The following C8orf34 variants were observed in gnomAD, a reference collection of about 807,000 sequenced individuals.
C8orf34 encodes the protein chromosome 8 open reading frame 34.
A neutral mutation model predicts 68.3 loss-of-function variants in C8orf34; 65 were observed. The observed-to-expected ratio is 0.95, with a 90% CI of 0.78 to 1.17. The LOEUF (loss-of-function observed/expected upper bound fraction) is 1.17, where lower values mean the gene tolerates loss of function less well. Among genes scored for constraint, C8orf34 ranks in the 50% most tolerant of loss-of-function variants. The pLI is 0.00. For synonymous variants in C8orf34, 244 were observed against 241.2 expected, an observed-to-expected ratio of 1.01 and a Z score of -0.11; for missense variants, 664 against 655.4, an observed-to-expected ratio of 1.01 and a Z score of -0.14.
rs191556288 is a variant in C8orf34, at chr8:68,446,778, T to C, written c.607+318T>C. On this transcript the variant is annotated intron_variant, in intron 3 of 13. Coordinates refer to ENST00000518698, the MANE Select transcript of C8orf34 (RefSeq NM_052958.4). Reference sequence around the variant, plus strand: ...ATTACATCATATTGAAAGCAGTAGCTACCTATATTTAATGAAGTATGTAAA... The same window carrying C: ...ATTACATCATATTGAAAGCAGTAGCCACCTATATTTAATGAAGTATGTAAA... The C allele has an allele frequency of 5.8e-4, 194 of 334,824 alleles. 1 individual carries two copies. The East Asian group carries it at 8.9e-3, about 15-fold the overall frequency. 20.7% of individuals were successfully genotyped at this position (334,824 alleles called of 1,614,324 possible). A position where few individuals can be genotyped will look rare whatever the true frequency, so the allele number is the denominator to read the frequency against.
At chr8:68,746,771 C>A (rs1822511670) in intron 10 of C8orf34, among the ~76,000 whole-genome samples, 1 of 148,476 alleles carries the variant, frequency 6.7e-6, no homozygotes, top group Non-Finnish European at 1.5e-5. Context: ...GAGTCCAGGA[C>A]CAGATGGATT....
intron 6 of C8orf34, among the ~76,000 whole-genome samples, chr8:68,531,206 C>A (rs1815230668): frequency 6.6e-6 from 1 of 152,092 alleles, no homozygotes; most frequent in Non-Finnish European, 1.5e-5. Context: ...CCAATCCCAC[C>A]ATAAAGTTAT....
At chr8:68,479,242 T>TGAGGAGTAGAGAAAG (rs1396233318) in intron 4 of C8orf34, among the ~76,000 whole-genome samples, 1 of 151,830 alleles carries the variant, frequency 6.6e-6, no homozygotes, top group Non-Finnish European at 1.5e-5. Flanking sequence ...TGAAGAGAGA[T>TGAGGAGTAGAGAAAG]GAGGAGTAGA....
intron 7 of C8orf34, among the ~76,000 whole-genome samples, chr8:68,542,512 T>A (rs920387638): frequency 2.0e-5 from 3 of 152,212 alleles, no homozygotes; most frequent in African/African-American, 7.2e-5. Context: ...ATCTGAGTTC[T>A]ACATCTTGGT....
At chr8:68,507,836 T>A (rs1216223080) in intron 5 of C8orf34, among the ~76,000 whole-genome samples, 1 of 152,190 alleles carries the variant, frequency 6.6e-6, no homozygotes, top group Non-Finnish European at 1.5e-5. Context: ...CCTCTCTTCT[T>A]CTTATGTGAA....
intron 1 of C8orf34, among the ~76,000 whole-genome samples, chr8:68,414,878 C>T (rs567646589): frequency 3.3e-5 from 5 of 152,272 alleles, no homozygotes; most frequent in African/African-American, 1.2e-4. Flanking sequence ...AATAAACTGC[C>T]AATTCCAACA....
intron 1 of C8orf34, among the ~76,000 whole-genome samples, chr8:68,393,731 A>G (rs1228027203): frequency 6.6e-6 from 1 of 152,150 alleles, no homozygotes; most frequent in Non-Finnish European, 1.5e-5. Context: ...CATCTTTAGG[A>G]GTTTGGACTT....
intron 10 of C8orf34, among the ~76,000 whole-genome samples, chr8:68,726,170 A>G (rs1482402764): frequency 6.6e-6 from 1 of 152,152 alleles, no homozygotes; most frequent in Non-Finnish European, 1.5e-5. Context: ...CGGCCTCCCA[A>G]AGTGCTGAGA....
intron 10 of C8orf34, among the ~76,000 whole-genome samples, chr8:68,738,634 C>T (rs2129527145): frequency 6.6e-6 from 1 of 152,066 alleles, no homozygotes; most frequent in South Asian, 2.1e-4. Context: ...ATACAAATAA[C>T]CATCAGATAA....
intron 7 of C8orf34, among the ~76,000 whole-genome samples, chr8:68,567,587 T>TG: frequency 8.6e-6 from 1 of 115,874 alleles, no homozygotes; most frequent in Non-Finnish European, 1.8e-5. Flanking sequence ...CTTTTTTTTT[T>TG]TTTTTTTTTT....
chr8:68,766,072 C>T (rs1389472085), intron 10 of C8orf34, among the ~76,000 whole-genome samples: 1 of 152,108 alleles, frequency 6.6e-6, no homozygotes, highest in East Asian at 1.9e-4. Flanking sequence ...TACTTGTGTC[C>T]ATGCATCAGT....
intron 12 of C8orf34, chr8:68,791,116 C>T (rs1187734234): frequency 2.0e-6 from 1 of 506,292 alleles, no homozygotes; most frequent in Admixed American, 3.6e-5. Flanking sequence ...GGTTTTCACA[C>T]TGCTATAAAG....
chr8:68,546,520 C>T (rs1387160763), intron 7 of C8orf34, among the ~76,000 whole-genome samples: 3 of 151,066 alleles, frequency 2.0e-5, no homozygotes, highest in East Asian at 2.0e-4. Flanking sequence ...AAAAAAGAGA[C>T]AAATGGGATA....
At chr8:68,703,240 C>T (rs1821070775) in intron 8 of C8orf34, among the ~76,000 whole-genome samples, 1 of 152,130 alleles carries the variant, frequency 6.6e-6, no homozygotes, top group African/African-American at 2.4e-5. Flanking sequence ...GCCTCATTCA[C>T]TGTTAAGACT....
In C8orf34 at chr8:68,701,165, T is replaced by C. The variant is rs577833062; in HGVS notation, c.1242-7829T>C. 4.5e-4 allele frequency among the ~76,000 whole-genome samples: 69 copies of C among 152,168 alleles called. 1 individual carries two copies. The South Asian group carries it at 0.014, about 31-fold the overall frequency. ...TATTCTAAAGTTCTTTGTAGAAATTTTGGAATCCAGGGAAGGCAAAACTCT... is the reference window on the plus strand; with the variant it reads ...TATTCTAAAGTTCTTTGTAGAAATTCTGGAATCCAGGGAAGGCAAAACTCT... On this transcript the variant is annotated intron_variant, in intron 8 of 13. Coordinates refer to ENST00000518698, the MANE Select transcript of C8orf34 (RefSeq NM_052958.4).
chr8:68,493,309 G>T (rs971099987), intron 5 of C8orf34, among the ~76,000 whole-genome samples: 1 of 152,134 alleles, frequency 6.6e-6, no homozygotes, highest in African/African-American at 2.4e-5. Context: ...AATTAAAAAT[G>T]GGCAAAGGAT....
intron 7 of C8orf34, among the ~76,000 whole-genome samples, chr8:68,604,170 G>T (rs1051858821): frequency 4.0e-4 from 61 of 152,154 alleles, no homozygotes; most frequent in African/African-American, 1.4e-3. Flanking sequence ...TGTCATAGAA[G>T]AAGTAAAGAT....
At chr8:68,627,463 T>G (rs1818569966) in intron 7 of C8orf34, among the ~76,000 whole-genome samples, 1 of 152,180 alleles carries the variant, frequency 6.6e-6, no homozygotes, top group South Asian at 2.1e-4. Context: ...ATGCCAGGAA[T>G]TTCTGTGATT....
intron 3 of C8orf34, among the ~76,000 whole-genome samples, chr8:68,455,573 T>C (rs750471221): frequency 2.4e-4 from 37 of 152,280 alleles, no homozygotes; most frequent in Non-Finnish European, 1.5e-4. Flanking sequence ...TTTTCATTAA[T>C]ATTTGCATGG....
Sources: allele counts gnomAD v4.1 joint callset (sites outside exome capture counted in the v4.1 genomes callset), GRCh38; gene constraint gnomAD v4.1.1; transcripts MANE v1.5; gene names NCBI Gene and HGNC (gene_info 2026-07-23, HGNC 2026-07-21).